RAB6A: variants seen among roughly 807,000 people sequenced by gnomAD.
RAB6A encodes the protein ras-related protein Rab-6A.
A neutral mutation model predicts 32.3 loss-of-function variants in RAB6A; 8 were observed. The ratio of observed to expected loss-of-function variants is 0.25; its 90% confidence interval spans 0.15 to 0.45. The LOEUF is 0.45. Ranked by LOEUF, RAB6A falls within the 20% of genes least tolerant of loss-of-function variation. The pLI is 1.00. For synonymous variants in RAB6A, 73 were observed against 82.1 expected, an observed-to-expected ratio of 0.89 and a Z score of 0.60; for missense variants, 104 against 249.4, an observed-to-expected ratio of 0.42 and a Z score of 3.93.
chr11:73,682,898 T>C (rs1210375728), intron 6 of RAB6A, among the ~76,000 whole-genome samples: 1 of 152,144 alleles, frequency 6.6e-6, no homozygotes. Context: ...TTATGAGCAT[T>C]AAACAATGAA....
intron 2 of RAB6A, among the ~76,000 whole-genome samples, chr11:73,724,647 C>T (rs1011001063): frequency 6.6e-6 from 1 of 151,998 alleles, no homozygotes; most frequent in Admixed American, 6.6e-5. Flanking sequence ...ACACCAGGCC[C>T]GGCTAATTTT....
chr11:73,736,833 G>C (rs1946404456), intron 1 of RAB6A, among the ~76,000 whole-genome samples: 1 of 120,028 alleles, frequency 8.3e-6, no homozygotes. Context: ...AAAACAATTA[G>C]CCAGGCATGG....
At chr11:73,722,059 T>TTTTTTTTTTTTTTTTGGAGACA (rs1322610800) in intron 2 of RAB6A, among the ~76,000 whole-genome samples, 1 of 151,006 alleles carries the variant, frequency 6.6e-6, no homozygotes, top group Non-Finnish European at 1.5e-5. Flanking sequence ...CTGCCATGAT[T>TTTTTTTTTTTTTTTTGGAGACA]GTAAGTTTCC....
At chr11:73,713,221 T>C (rs1184626936) in intron 5 of RAB6A, among the ~76,000 whole-genome samples, 1 of 152,214 alleles carries the variant, frequency 6.6e-6, no homozygotes, top group Non-Finnish European at 1.5e-5. Flanking sequence ...TGGTTTGATC[T>C]TACAGAGCAT....
intron 1 of RAB6A, among the ~76,000 whole-genome samples, chr11:73,750,272 T>C (rs1946653406): frequency 6.6e-6 from 1 of 152,202 alleles, no homozygotes; most frequent in African/African-American, 2.4e-5. Context: ...ATTTGTCCTT[T>C]TGTGACTGCC....
At chr11:73,746,744 T>C (rs1306853405) in intron 1 of RAB6A, among the ~76,000 whole-genome samples, 1 of 149,310 alleles carries the variant, frequency 6.7e-6, no homozygotes, top group East Asian at 2.0e-4. Context: ...CAGGGAGACG[T>C]AGCAAAACTC....
intron 6 of RAB6A, among the ~76,000 whole-genome samples, chr11:73,690,644 A>G (rs1176706071): frequency 6.6e-6 from 1 of 150,478 alleles, no homozygotes; most frequent in Non-Finnish European, 1.5e-5. Flanking sequence ...ATGTGGAGAG[A>G]AGAGACACCG....
intron 1 of RAB6A, among the ~76,000 whole-genome samples, chr11:73,759,496 C>G (rs968329006): frequency 2.0e-5 from 3 of 152,016 alleles, no homozygotes; most frequent in Non-Finnish European, 4.4e-5. Flanking sequence ...AATTATTTAG[C>G]CCAAATGGTA....
chr11:73,758,197 G>A (rs1946790564), intron 1 of RAB6A, among the ~76,000 whole-genome samples: 2 of 152,156 alleles, frequency 1.3e-5, no homozygotes, highest in South Asian at 2.1e-4. Flanking sequence ...ATCTTTCATT[G>A]TCAAAGCTAA....
chr11:73,702,917 T>G (rs1945769986), intron 6 of RAB6A, among the ~76,000 whole-genome samples: 1 of 151,836 alleles, frequency 6.6e-6, no homozygotes. Flanking sequence ...AGTGCAGTGG[T>G]GTGATTTTGG....
intron 5 of RAB6A, among the ~76,000 whole-genome samples, chr11:73,715,641 A>C (rs541531166): frequency 6.6e-6 from 1 of 152,358 alleles, no homozygotes; most frequent in African/African-American, 2.4e-5. Context: ...ATATGCAGTA[A>C]ATCGCTTAAG....
chr11:73,680,126 T>C (rs868112548), intron 6 of RAB6A, among the ~76,000 whole-genome samples: 1 of 151,824 alleles, frequency 6.6e-6, no homozygotes, highest in Non-Finnish European at 1.5e-5. Flanking sequence ...AATAATAAAA[T>C]AAAATGTCTA....
rs755666052 is a variant in RAB6A at position 73,676,737 on chromosome 11, CG to C, written c.*1160del. ...CTGCCTCTAGGGGCTTACAAGAAAA[CG>C]GTTTCCGGTTTCCGTCTTCAATTTG... On this transcript the variant is annotated 3_prime_UTR_variant, in exon 8 of 8. Coordinates refer to ENST00000336083, the MANE Select transcript of RAB6A (RefSeq NM_198896.2). 3 of 167,052 alleles carry C rather than the reference CG, an allele frequency of 1.8e-5. No homozygotes were observed. The highest frequency in any genetic ancestry group is 2.9e-5 in the Non-Finnish European group (2 of 68,108). 10.3% of individuals were successfully genotyped at this position (167,052 alleles called of 1,614,324 possible).
At chr11:73,731,106 ACAC>A (rs1197248662) in intron 1 of RAB6A, among the ~76,000 whole-genome samples, 40 of 1,870 alleles carry the variant, frequency 0.021, no homozygotes, top group Middle Eastern at 0.25. Flanking sequence ...GGCCAAGTAA[ACAC>A]TTACTTGGCC....
chr11:73,696,661 C>T (rs1451330910), intron 6 of RAB6A, among the ~76,000 whole-genome samples: 2 of 151,918 alleles, frequency 1.3e-5, no homozygotes, highest in African/African-American at 2.4e-5. Context: ...GCTCTGTCTC[C>T]CATGCATGAT....
At chr11:73,744,640 A>G (rs2135000911) in intron 1 of RAB6A, among the ~76,000 whole-genome samples, 1 of 152,274 alleles carries the variant, frequency 6.6e-6, no homozygotes, top group African/African-American at 2.4e-5. Context: ...AGAGAAATCA[A>G]AATAGTTTGC....
Position 73,677,264 on chromosome 11 carries a change from C to T in RAB6A, c.*634G>A, listed in dbSNP as rs967962370. 1 of 167,728 alleles carries T rather than the reference C, an allele frequency of 6.0e-6. No homozygotes were observed. Among genetic ancestry groups the T allele is most frequent in the African/African-American group, 2.4e-5 (1 of 41,464 alleles). The allele number at this position is 167,728 out of a possible 1,614,324, so 10.4% of individuals were successfully genotyped here. On this transcript the variant is annotated 3_prime_UTR_variant, in exon 8 of 8. Coordinates refer to ENST00000336083, the MANE Select transcript of RAB6A (RefSeq NM_198896.2). ...GATGCACCAGGAGCCTTTTCTCATT[C>T]AAGCACTGCCTACCATGATGGCTGA... is the stretch of plus-strand genomic sequence containing the variant.
chr11:73,756,020 G>GA (rs1284203838), intron 1 of RAB6A, among the ~76,000 whole-genome samples: 2 of 151,938 alleles, frequency 1.3e-5, no homozygotes, highest in African/African-American at 4.8e-5. Context: ...GGGTCTTGGG[G>GA]AAAAAAAGTT....
chr11:73,728,539 G>A (rs887471316), intron 2 of RAB6A, among the ~76,000 whole-genome samples: 5 of 150,634 alleles, frequency 3.3e-5, no homozygotes, highest in Admixed American at 2.0e-4. Context: ...TTGGAAAGCC[G>A]AGGTGAAAGG....
Sources: allele counts gnomAD v4.1 joint callset (sites outside exome capture counted in the v4.1 genomes callset), GRCh38; gene constraint gnomAD v4.1.1; transcripts MANE v1.5; gene names NCBI Gene and HGNC (gene_info 2026-07-23, HGNC 2026-07-21).